The following IL1RAPL2 variants were observed in gnomAD, a reference collection of about 807,000 sequenced individuals.
IL1RAPL2 encodes interleukin 1 receptor accessory protein like 2.
A neutral mutation model predicts 44.1 loss-of-function variants in IL1RAPL2; 3 were observed. That is an observed-to-expected ratio of 0.07 (90% CI 0.03 to 0.18). IL1RAPL2 has a LOEUF of 0.18. IL1RAPL2 is among the 10% of genes least tolerant of loss of function. IL1RAPL2 has a pLI of 1.00. For synonymous variants in IL1RAPL2, 181 were observed against 178.8 expected, an observed-to-expected ratio of 1.01 and a Z score of -0.10; for missense variants, 391 against 496.4, an observed-to-expected ratio of 0.79 and a Z score of 2.02.
At chrX:105,662,154 T>C (rs975661708) in intron 6 of IL1RAPL2, among the ~76,000 whole-genome samples, 1 of 112,478 alleles carries the variant, frequency 8.9e-6, no homozygotes, top group Admixed American at 9.4e-5. Context: ...ACACTCTTCC[T>C]ACTTTATCTT....
intron 2 of IL1RAPL2, among the ~76,000 whole-genome samples, chrX:104,786,180 C>T (rs776623985): frequency 4.5e-5 from 5 of 111,873 alleles, no homozygotes; most frequent in Non-Finnish European, 9.4e-5. Context: ...GTTTGTAATC[C>T]TCAGAGCCTC....
intron 2 of IL1RAPL2, among the ~76,000 whole-genome samples, chrX:104,941,767 C>A (rs552938677): frequency 9.0e-6 from 1 of 111,700 alleles, no homozygotes; most frequent in African/African-American, 3.3e-5. Context: ...GTCAAGAAGT[C>A]CTTGCCCATG....
At chrX:105,400,199 C>T (rs1211256889) in intron 5 of IL1RAPL2, among the ~76,000 whole-genome samples, 3 of 111,281 alleles carry the variant, frequency 2.7e-5, no homozygotes, top group Non-Finnish European at 3.8e-5. Flanking sequence ...AACCACAAAT[C>T]TTAGTCTTTG....
At chrX:104,615,767 G>A (rs1355704014) in intron 1 of IL1RAPL2, among the ~76,000 whole-genome samples, 1 of 111,978 alleles carries the variant, frequency 8.9e-6, no homozygotes, top group East Asian at 2.8e-4. Context: ...TGGGTCAAAT[G>A]GTATTTCTGG....
intron 2 of IL1RAPL2, among the ~76,000 whole-genome samples, chrX:104,738,399 G>T (rs1932051269): frequency 8.9e-6 from 1 of 112,042 alleles, no homozygotes; most frequent in Admixed American, 9.5e-5. Context: ...TTCACCATTT[G>T]TGTATTTTTG....
At chrX:105,071,132 A>G (rs913753496) in intron 2 of IL1RAPL2, among the ~76,000 whole-genome samples, 3 of 111,832 alleles carry the variant, frequency 2.7e-5, no homozygotes, top group African/African-American at 9.7e-5. Flanking sequence ...GATCATATAC[A>G]TAGAAAACCC....
At position 104,946,985 on chromosome X, in the gene IL1RAPL2, C is replaced by T. The variant is rs748368400; in HGVS notation, c.83-248490C>T. ...TTCTAGTTCTAGATCCCTGAGGAAT[C>T]GCCACACTGACTTCCACAATGGTTG... On this transcript the variant is annotated intron_variant, in intron 2 of 10. Coordinates refer to ENST00000372582, the MANE Select transcript of IL1RAPL2 (RefSeq NM_017416.2). Among the ~76,000 whole-genome samples, 576 of 99,684 alleles carry T rather than the reference C, an allele frequency of 5.8e-3. 5 individuals are homozygous for T. Among genetic ancestry groups the T allele is most frequent in the Middle Eastern group, 0.016 (3 of 189 alleles). 86.6% of individuals were successfully genotyped at this position (99,684 alleles called of 115,157 possible). A position where few individuals can be genotyped will look rare whatever the true frequency, so the allele number is the denominator to read the frequency against.
chrX:105,379,675 C>G (rs753181165), intron 5 of IL1RAPL2, among the ~76,000 whole-genome samples: 1 of 111,590 alleles, frequency 9.0e-6, no homozygotes, highest in Non-Finnish European at 1.9e-5. Context: ...TGTACAGTCA[C>G]TTAGCCTGTT....
At position 104,718,397 on chromosome X, in the gene IL1RAPL2, C is replaced by A. The variant is rs140147620; in HGVS notation, c.82+59402C>A. Among the ~76,000 whole-genome samples, 1,082 of 111,058 alleles carry A rather than the reference C, an allele frequency of 9.7e-3. 16 individuals are homozygous for A. Among genetic ancestry groups the A allele is most frequent in the Middle Eastern group, 0.023 (5 of 215 alleles). ...TCTTAGTACCTGATATGGTTTGGCT[C>A]TGTGTCCCCACCCATATGTCGACTT... is the stretch of plus-strand genomic sequence containing the variant. On this transcript the variant is annotated intron_variant, in intron 2 of 10. Transcript: ENST00000372582.
At chrX:105,320,214 G>A (rs937082144) in intron 5 of IL1RAPL2, among the ~76,000 whole-genome samples, 1 of 111,859 alleles carries the variant, frequency 8.9e-6, no homozygotes, top group African/African-American at 3.3e-5. Context: ...ACTGGGAACA[G>A]AACTCTTACA....
chrX:105,359,605 C>T (rs770391751), intron 5 of IL1RAPL2, among the ~76,000 whole-genome samples: 22 of 110,957 alleles, frequency 2.0e-4, no homozygotes, highest in African/African-American at 6.9e-4. Context: ...GCTTTTTCTG[C>T]TACACCATGT....
intron 2 of IL1RAPL2, among the ~76,000 whole-genome samples, chrX:105,031,540 T>A (rs1340081481): frequency 8.9e-6 from 1 of 112,155 alleles, no homozygotes; most frequent in African/African-American, 3.2e-5. Context: ...ATATGCTGGA[T>A]TACATTTATT....
chrX:104,695,989 G>A (rs1243509424), intron 2 of IL1RAPL2, among the ~76,000 whole-genome samples: 1 of 110,990 alleles, frequency 9.0e-6, no homozygotes, highest in Non-Finnish European at 1.9e-5. Flanking sequence ...TGTATTTTTA[G>A]TAGAGACGGG....
At chrX:105,200,555 G>C (rs1158661076) in intron 3 of IL1RAPL2, among the ~76,000 whole-genome samples, 1 of 112,170 alleles carries the variant, frequency 8.9e-6, no homozygotes, top group South Asian at 3.7e-4. Flanking sequence ...AACAAGGGGT[G>C]ACTTAAGCTG....
intron 2 of IL1RAPL2, among the ~76,000 whole-genome samples, chrX:104,863,160 C>T (rs1357255746): frequency 9.0e-6 from 1 of 111,509 alleles, no homozygotes; most frequent in Admixed American, 9.5e-5. Context: ...TTCTGTACCC[C>T]AGACTGGAAC....
intron 5 of IL1RAPL2, among the ~76,000 whole-genome samples, chrX:105,305,109 C>T (rs747014293): frequency 1.8e-5 from 2 of 111,526 alleles, no homozygotes; most frequent in East Asian, 5.7e-4. Context: ...TTAGAAGCCA[C>T]CCCCATGTTC....
chrX:105,036,842 A>G (rs1176078310), intron 2 of IL1RAPL2, among the ~76,000 whole-genome samples: 2 of 112,157 alleles, frequency 1.8e-5, no homozygotes, highest in Non-Finnish European at 3.8e-5. Context: ...TGATAATAAT[A>G]TACAATACAA....
chrX:105,574,601 T>C (rs984164132), intron 6 of IL1RAPL2, among the ~76,000 whole-genome samples: 1 of 111,931 alleles, frequency 8.9e-6, no homozygotes, highest in African/African-American at 3.2e-5. Context: ...AAGAGGAACA[T>C]GTTTTAATTT....
At chrX:105,472,968 G>T (rs946677567) in intron 5 of IL1RAPL2, among the ~76,000 whole-genome samples, 4 of 111,793 alleles carry the variant, frequency 3.6e-5, no homozygotes, top group Non-Finnish European at 1.9e-5. Flanking sequence ...TGATAGCTCT[G>T]CCATCTTTGC....
Sources: allele counts gnomAD v4.1 joint callset (sites outside exome capture counted in the v4.1 genomes callset), GRCh38; gene constraint gnomAD v4.1.1; transcripts MANE v1.5; gene names NCBI Gene and HGNC (gene_info 2026-07-23, HGNC 2026-07-21).